JAKMIP3: variants seen among roughly 807,000 people sequenced by gnomAD.
JAKMIP3 encodes the protein Janus kinase and microtubule interacting protein 3, also known as janus kinase and microtubule-interacting protein 3.
A neutral mutation model predicts 118.5 loss-of-function variants in JAKMIP3; 58 were observed. The observed-to-expected ratio is 0.49, with a 90% CI of 0.40 to 0.61. The LOEUF is 0.61. JAKMIP3 is among the 20% of genes least tolerant of loss of function. The pLI, the probability that JAKMIP3 is intolerant of heterozygous loss-of-function variation, is 0.00. For missense variants in JAKMIP3, 950 were observed against 1,109.0 expected (o/e 0.86, Z 2.04); for synonymous variants, 486 against 451.2 (o/e 1.08, Z -0.98).
At chr10:132,122,170 T>G (rs560922338) in intron 3 of JAKMIP3, among the ~76,000 whole-genome samples, 21 of 152,276 alleles carry the variant, frequency 1.4e-4, no homozygotes, top group African/African-American at 4.6e-4. Flanking sequence ...GTCAGAGGCC[T>G]CCCCAGCCCC....
rs1282793639 is a variant in JAKMIP3 at position 132,049,113 on chromosome 10, G to A, written c.-138+12375G>A. Among the ~76,000 whole-genome samples the A allele has an allele frequency of 6.6e-6, 1 of 152,160 alleles. No homozygotes were observed. The highest frequency in any genetic ancestry group is 1.5e-5 in the Non-Finnish European group (1 of 68,034). On this transcript the variant is annotated intron_variant, in intron 1 of 23. Coordinates refer to the JAKMIP3 transcript ENST00000657785. The surrounding 1 kb of genome is among the most constrained non-coding windows in gnomAD (Gnocchi z 4.3). ...GACCTTTTTGCCTGGAAGCCTTGAG[G>A]ATTTTATCTTTAGCTCTGAAATGGA...
Position 132,163,190 on chromosome 10 carries a change from G to A in JAKMIP3, c.2221-19G>A, listed in dbSNP as rs201144156. The stretch of plus-strand genomic sequence containing the variant: ...CTGGGGAGAAGGCAAGGACTAAGGC[G>A]TCTCCCCTTCCGCCCCAGCACATCC... On this transcript the variant is annotated intron_variant, in intron 19 of 23. Coordinates refer to ENST00000684848, the MANE Select transcript of JAKMIP3 (RefSeq NM_001323087.2). 1.2e-4 allele frequency: 190 copies of A among 1,547,982 alleles called. 1 individual carries two copies. In the Admixed American group the frequency reaches 2.2e-3, roughly 18 times the overall value.
At chr10:132,067,584 G>A (rs1564860741) in intron 1 of JAKMIP3, among the ~76,000 whole-genome samples, 1 of 151,804 alleles carries the variant, frequency 6.6e-6, no homozygotes, top group East Asian at 1.9e-4. Context: ...GGTTGATCTT[G>A]ACTGTGGACT....
chr10:132,161,772 C>A (rs1157214539), intron 19 of JAKMIP3, among the ~76,000 whole-genome samples: 1 of 74,680 alleles, frequency 1.3e-5, no homozygotes, highest in African/African-American at 6.1e-5. Flanking sequence ...GGGTGTCTCT[C>A]CCTGTGTGAT....
chr10:132,183,011 C>T lies in JAKMIP3; in HGVS notation c.*1758C>T, dbSNP rs2061611093. 6.6e-6 allele frequency: 1 copy of T among 152,238 alleles called. No homozygotes were observed. The highest frequency in any genetic ancestry group is 2.4e-5 in the African/African-American group (1 of 41,452). 9.4% of individuals were successfully genotyped at this position (152,238 alleles called of 1,614,324 possible). On this transcript the variant is annotated 3_prime_UTR_variant, in exon 24 of 24. Coordinates refer to ENST00000684848, the MANE Select transcript of JAKMIP3 (RefSeq NM_001323087.2). ...TACTCGGCAAGATACTGGGCCAGTT[C>T]AGTGTCTCTAGCTGAGCCTGACCTC...
intron 2 of JAKMIP3, among the ~76,000 whole-genome samples, chr10:132,109,043 T>TAC (rs199947950): frequency 7.8e-5 from 11 of 140,244 alleles, no homozygotes; most frequent in African/African-American, 2.4e-4. Flanking sequence ...TGTATATATA[T>TAC]ACACACACAT....
At chr10:132,169,639 G>A (rs1447483117) in intron 23 of JAKMIP3, among the ~76,000 whole-genome samples, 1 of 152,172 alleles carries the variant, frequency 6.6e-6, no homozygotes, top group South Asian at 2.1e-4. Flanking sequence ...CAGCCCCATG[G>A]GGGGCCGCCC....
Position 132,036,990 on chromosome 10 carries a change from C to A in JAKMIP3, c.-138+252C>A, listed in dbSNP as rs551631059. On this transcript the variant is annotated intron_variant, in intron 1 of 23. Coordinates refer to the JAKMIP3 transcript ENST00000657785. ...TGCACAGGCCTCGGCGCTGGCGTGA[C>A]GCGGCCGCTGGGTGGGGCCCGCGCA... Among the ~76,000 whole-genome samples the A allele has an allele frequency of 2.0e-5, 3 of 152,060 alleles. No homozygotes were observed. In the South Asian group the frequency reaches 6.2e-4, roughly 31 times the overall value.
At position 132,142,176 on chromosome 10, in the gene JAKMIP3, G is replaced by C. The variant is rs570977113; in HGVS notation, c.1602+128G>C. The stretch of plus-strand genomic sequence containing the variant: ...GGCCCCTCCTCTCCTGCCCTTGCCT[G>C]CAGTCCTGGTGGTGCCCATGGAAGC... On this transcript the variant is annotated intron_variant, in intron 11 of 23. Coordinates refer to ENST00000684848, the MANE Select transcript of JAKMIP3 (RefSeq NM_001323087.2). 5.6e-5 allele frequency: 57 copies of C among 1,010,452 alleles called. No homozygotes were observed. In the African/African-American group the frequency reaches 8.5e-4, roughly 15 times the overall value. The allele number at this position is 1,010,452 out of a possible 1,614,324, so 62.6% of individuals were successfully genotyped here. A position where few individuals can be genotyped will look rare whatever the true frequency, so the allele number is the denominator to read the frequency against.
rs1460235121 is a variant in JAKMIP3, at chr10:132,163,224, G to A, written c.2236G>A (p.Glu746Lys). Residue 746 changes from glutamate to lysine, a missense_variant, in exon 20 of 24, where the codon GAA becomes AAA. By Grantham distance (56) the Glu-to-Lys change is moderately conservative. Coordinates refer to ENST00000684848, the MANE Select transcript of JAKMIP3 (RefSeq NM_001323087.2). ...DQANKHILEL[E>K]AMLYDALQQE... ...TCCGCCCCAGCACATCCTGGAGCTGGAAGCCATGCTGTATGATGCCCTGCA... is the reference window on the plus strand; with the variant it reads ...TCCGCCCCAGCACATCCTGGAGCTGAAAGCCATGCTGTATGATGCCCTGCA... The A allele has an allele frequency of 5.1e-6, 8 of 1,563,154 alleles. No individual in the cohort carries two copies. Among genetic ancestry groups the A allele is most frequent in the South Asian group, 1.2e-5 (1 of 84,938 alleles).
At chr10:132,078,628 G>A (rs548569799) in intron 1 of JAKMIP3, among the ~76,000 whole-genome samples, 3 of 150,978 alleles carry the variant, frequency 2.0e-5, no homozygotes, top group Non-Finnish European at 4.4e-5. Flanking sequence ...GCGGGGGGGG[G>A]GGGGGGTCCC....
chr10:132,123,352 A>G (rs1308848634), intron 3 of JAKMIP3, among the ~76,000 whole-genome samples: 1 of 152,224 alleles, frequency 6.6e-6, no homozygotes, highest in African/African-American at 2.4e-5. Context: ...AGACGTTGTT[A>G]AAGACTCTCT....
chr10:132,053,545 C>T (rs973579198), intron 1 of JAKMIP3, among the ~76,000 whole-genome samples: 8 of 152,222 alleles, frequency 5.3e-5, no homozygotes, highest in Non-Finnish European at 1.0e-4. Flanking sequence ...CAGTCTACAT[C>T]GTCCCACGTA....
At chr10:132,137,767 G>A (rs1444974277) in intron 8 of JAKMIP3, among the ~76,000 whole-genome samples, 5 of 152,226 alleles carry the variant, frequency 3.3e-5, no homozygotes, top group African/African-American at 1.2e-4. Flanking sequence ...ACCCCTGCAG[G>A]GTCCGGAGGG....
rs1441124340 is a variant in JAKMIP3, at chr10:132,179,685, GCA to G, written c.*1104-2667_*1104-2666del. Among the ~76,000 whole-genome samples the G allele has an allele frequency of 6.6e-6, 1 of 151,846 alleles. No individual in the cohort carries two copies. Among genetic ancestry groups the G allele is most frequent in the African/African-American group, 2.4e-5 (1 of 41,270 alleles). ...GACTCGCTAGGATTCACAGGACTCA[GCA>G]CACAGTCACACCACAGCAGGGCCAC... is the stretch of plus-strand genomic sequence containing the variant. On this transcript the variant is annotated intron_variant, in intron 23 of 23. Transcript: ENST00000684848. The surrounding 1 kb of genome is among the most constrained non-coding windows in gnomAD (Gnocchi z 4.3).
At chr10:132,142,526 G>A (rs941940548) in intron 11 of JAKMIP3, among the ~76,000 whole-genome samples, 2 of 150,666 alleles carry the variant, frequency 1.3e-5, no homozygotes, top group African/African-American at 2.5e-5. Flanking sequence ...CCACTGGGCA[G>A]CACCCCAGCA....
upstream of JAKMIP3, among the ~76,000 whole-genome samples, chr10:132,060,837 T>C (rs1046979173): frequency 6.6e-6 from 1 of 152,070 alleles, no homozygotes; most frequent in Non-Finnish European, 1.5e-5. Flanking sequence ...TCGGCCAACA[T>C]GGTGAAACTC....
chr10:132,065,282 C>T, upstream of JAKMIP3, among the ~76,000 whole-genome samples: 1 of 152,072 alleles, frequency 6.6e-6, no homozygotes, highest in Admixed American at 6.5e-5. The surrounding 1 kb of genome is among the most constrained non-coding windows in gnomAD (Gnocchi z 5.6). Flanking sequence ...GTGGGATTGG[C>T]GGGCCAGGTG....
rs2053259266 is a variant in JAKMIP3 at position 132,140,429 on chromosome 10, C to T, written c.1345-22C>T. 3.1e-6 allele frequency: 5 copies of T among 1,613,220 alleles called. No homozygotes were observed. In the East Asian group the frequency reaches 8.9e-5, roughly 29 times the overall value. ...TGTGCCTGGGTCTGGTTTGAACTGA[C>T]ACGTCGCATTTTGGTCACAAGCCGG... On this transcript the variant is annotated intron_variant, in intron 9 of 23. Coordinates refer to ENST00000684848, the MANE Select transcript of JAKMIP3 (RefSeq NM_001323087.2).
Sources: gnomAD v4.1 joint callset for allele counts (sites outside exome capture counted in the v4.1 genomes callset) on GRCh38, gnomAD v4.1.1 for gene constraint, Gnocchi (gnomAD v3.1) non-coding constraint, MANE v1.5 for transcripts, NCBI Gene and HGNC (gene_info 2026-07-23, HGNC 2026-07-21) for gene names.